Variants in IFT88 observed in about 807,000 individuals in gnomAD.
IFT88 encodes intraflagellar transport 88, also known as intraflagellar transport protein 88 homolog.
In IFT88, 74 loss-of-function variants were observed where a neutral mutation model predicts 119.5. That is an observed-to-expected ratio of 0.62 (90% confidence interval 0.51 to 0.75). IFT88 has a LOEUF of 0.75. IFT88 is among the 30% of genes least tolerant of loss of function. The probability of loss-of-function intolerance (pLI) is 0.00; values close to 1 mark genes in which losing one functional copy is unlikely to be tolerated. For synonymous variants in IFT88, 279 were observed against 316.7 expected (o/e 0.88, Z 1.26); for missense variants, 961 against 977.7 (o/e 0.98, Z 0.23).
intron 24 of IFT88, among the ~76,000 whole-genome samples, chr13:20,688,220 G>A (rs768362948): frequency 2.6e-5 from 4 of 152,164 alleles, no homozygotes; most frequent in Non-Finnish European, 4.4e-5. Flanking sequence ...GGTAGCGCAT[G>A]CCTGTAATCC....
chr13:20,644,880 A>C lies in IFT88; in HGVS notation c.1871A>C (p.Glu624Ala). The change falls in exon 20 of 26, where the codon GAG becomes GCG. Residue 624 changes from glutamate to alanine, a missense_variant. Transcript: ENST00000351808. ...TTTCCTTGTAATATTGAAGTCATTG[A>C]GTGGCTTGGAGCCTATTACATTGAC... ...RYFPCNIEVIEWLGAYYIDTQ... is the reference protein window; with the variant it reads ...RYFPCNIEVIAWLGAYYIDTQ... 1.3e-6 allele frequency: 2 copies of C among 1,596,112 alleles called. No homozygotes were observed. Among genetic ancestry groups the C allele is most frequent in the Admixed American group, 1.7e-5 (1 of 58,972 alleles).
chr13:20,570,194 A>G (rs536864695), intron 1 of IFT88, among the ~76,000 whole-genome samples: 1 of 152,242 alleles, frequency 6.6e-6, no homozygotes, highest in African/African-American at 2.4e-5. Flanking sequence ...ACTCACTAGA[A>G]TTGCAATAAT....
At chr13:20,567,865 T>C in intron 1 of IFT88, 1 of 943,890 alleles carries the variant, frequency 1.1e-6, no homozygotes, top group Non-Finnish European at 1.5e-6. Context: ...GTTTTTTTTG[T>C]TTGTTTTTTT....
intron 24 of IFT88, among the ~76,000 whole-genome samples, chr13:20,686,727 C>T (rs765712262): frequency 3.9e-5 from 6 of 151,994 alleles, no homozygotes; most frequent in Non-Finnish European, 8.8e-5. Context: ...GTTATTTTTT[C>T]TATCTTAAGT....
chr13:20,567,880 TCG>T, intron 1 of IFT88: 4 of 730,034 alleles, frequency 5.5e-6, no homozygotes, highest in South Asian at 2.4e-5. Flanking sequence ...TTTTTTTTTT[TCG>T]AGAAACTGCA....
intron 14 of IFT88, among the ~76,000 whole-genome samples, chr13:20,619,685 C>T (rs1347945824): frequency 6.6e-6 from 1 of 151,142 alleles, no homozygotes; most frequent in Non-Finnish European, 1.5e-5. Flanking sequence ...TATTATGGTA[C>T]AGTTGTGCAC....
chr13:20,636,068 G>A (rs2048986145), intron 16 of IFT88, among the ~76,000 whole-genome samples: 1 of 152,092 alleles, frequency 6.6e-6, no homozygotes, highest in Non-Finnish European at 1.5e-5. Context: ...TAAAAACTTG[G>A]AGGGTTTTCT....
chr13:20,658,628 A>G (rs1202321439), intron 22 of IFT88, among the ~76,000 whole-genome samples: 1 of 152,196 alleles, frequency 6.6e-6, no homozygotes, highest in Admixed American at 6.5e-5. Flanking sequence ...GGCACCTTTG[A>G]CATTTGGGAT....
At chr13:20,638,289 T>C (rs775559688) in intron 16 of IFT88, 43 bp from the exon 17 acceptor site, 1 of 1,033,522 alleles carries the variant, frequency 9.7e-7, no homozygotes, top group South Asian at 3.7e-5. Context: ...TCAGAAAAGG[T>C]ATTTCATGAA....
intron 24 of IFT88, among the ~76,000 whole-genome samples, chr13:20,683,324 T>C (rs2057527835): frequency 2.0e-5 from 3 of 152,140 alleles, no homozygotes; most frequent in Non-Finnish European, 4.4e-5. Flanking sequence ...TGAAGCAGTT[T>C]CTTTAACCCT....
chr13:20,625,849 AG>A lies in IFT88; in HGVS notation c.1299+1del, dbSNP rs2139959281. On this transcript the variant is annotated splice_donor_variant, in intron 15 of 25. Transcript: ENST00000351808. LOFTEE classifies it high-confidence loss of function. The stretch of plus-strand genomic sequence containing the variant: ...ACTTGAGACAAAAAGACTATAACCA[AG>A]TAAGTTTTAAAAAAAATTTTAGATG... 1 of 1,562,016 alleles carries A rather than the reference AG, an allele frequency of 6.4e-7. No individual in the cohort carries two copies. The highest frequency in any genetic ancestry group is 8.6e-7 in the Non-Finnish European group (1 of 1,157,532).
At chr13:20,654,079 CAAT>C (rs2052318025) in intron 21 of IFT88, 151 bp downstream of exon 21, 3 of 426,610 alleles carry the variant, frequency 7.0e-6, no homozygotes, top group Non-Finnish European at 1.2e-5. Context: ...ATGAAAAACA[CAAT>C]AATTACTACA....
intron 20 of IFT88, among the ~76,000 whole-genome samples, chr13:20,647,203 C>T (rs1005767132): frequency 6.6e-6 from 1 of 152,180 alleles, no homozygotes; most frequent in Non-Finnish European, 1.5e-5. Flanking sequence ...ATCTCCTTCT[C>T]AGTGACAGAA....
In IFT88 at chr13:20,663,605, G is replaced by A; in HGVS notation, c.2175+1G>A. On this transcript the variant is annotated splice_donor_variant, in intron 23 of 25. Transcript: ENST00000351808. LOFTEE classifies it high-confidence loss of function. ...AAAAATGAAAGAAATAAGGGAACAGGTATCTCATATGGGCCCCAAACTGCA... is the reference window on the plus strand; with the variant it reads ...AAAAATGAAAGAAATAAGGGAACAGATATCTCATATGGGCCCCAAACTGCA... 1 of 1,604,186 alleles carries A rather than the reference G, an allele frequency of 6.2e-7. No individual in the cohort carries two copies. Among genetic ancestry groups the A allele is most frequent in the Non-Finnish European group, 8.5e-7 (1 of 1,171,822 alleles).
chr13:20,665,276 T>C (rs1446735295), intron 23 of IFT88, among the ~76,000 whole-genome samples: 1 of 152,120 alleles, frequency 6.6e-6, no homozygotes, highest in Non-Finnish European at 1.5e-5. Context: ...ATTGACAAAA[T>C]AGCATGTGAC....
chr13:20,600,347 ATAAT>A (rs1309263020), intron 11 of IFT88, among the ~76,000 whole-genome samples: 17 of 152,238 alleles, frequency 1.1e-4, no homozygotes, highest in African/African-American at 3.6e-4. Context: ...GGGTGCTATA[ATAAT>A]TCAGTGGAAG....
intron 14 of IFT88, among the ~76,000 whole-genome samples, chr13:20,622,441 C>T (rs2046689103): frequency 6.6e-6 from 1 of 152,184 alleles, no homozygotes; most frequent in African/African-American, 2.4e-5. Context: ...TTTGCATTCC[C>T]ATTAGCAATA....
intron 13 of IFT88, among the ~76,000 whole-genome samples, chr13:20,611,107 TTAATAA>T (rs1317325242): frequency 2.0e-5 from 3 of 148,720 alleles, no homozygotes; most frequent in South Asian, 2.1e-4. Context: ...ATAATAATAA[TTAATAA>T]TAATAATATA....
At chr13:20,607,223 G>A (rs532850143) in intron 13 of IFT88, 19 of 399,402 alleles carry the variant, frequency 4.8e-5, no homozygotes, top group Admixed American at 1.0e-4. Context: ...CTCAGGCCCC[G>A]GGCCCAGTCT....
Sources: allele counts gnomAD v4.1 joint callset (sites outside exome capture counted in the v4.1 genomes callset), GRCh38; gene constraint gnomAD v4.1.1; transcripts MANE v1.5; gene names NCBI Gene and HGNC (gene_info 2026-07-23, HGNC 2026-07-21).